HOOK1: variants seen among roughly 807,000 people sequenced by gnomAD.
HOOK1 encodes hook microtubule tethering protein 1, also known as protein Hook homolog 1.
Under a neutral mutation model 112.8 loss-of-function variants are expected in HOOK1, and 60 were observed. The observed-to-expected ratio is 0.53, with a 90% confidence interval of 0.43 to 0.66. HOOK1 has a LOEUF of 0.66. HOOK1 is among the 30% of genes least tolerant of loss of function. The pLI, the probability that HOOK1 is intolerant of heterozygous loss-of-function variation, is 0.00. For synonymous variants in HOOK1, 294 were observed against 283.8 expected (o/e 1.04, Z -0.36); for missense variants, 770 against 856.0 (o/e 0.90, Z 1.25).
chr1:59,815,703 C>G (rs913628414), intron 1 of HOOK1, among the ~76,000 whole-genome samples: 1 of 151,962 alleles, frequency 6.6e-6, no homozygotes, highest in African/African-American at 2.4e-5. Context: ...CTTCAGGACT[C>G]TAGAACATCC....
intron 12 of HOOK1, among the ~76,000 whole-genome samples, chr1:59,852,194 T>G (rs112761211): frequency 3.3e-5 from 5 of 151,860 alleles, no homozygotes; most frequent in African/African-American, 1.2e-4. Flanking sequence ...TTTCCCTGCT[T>G]TTTTACGTTT....
chr1:59,865,270 CA>C (rs1643942113), intron 18 of HOOK1, 25 bp downstream of exon 18: 2 of 1,394,630 alleles, frequency 1.4e-6, no homozygotes, highest in Non-Finnish European at 2.0e-6. Flanking sequence ...AAACTTGGAT[CA>C]GACAACAGTA....
chr1:59,851,973 GA>G (rs2098407380), intron 12 of HOOK1, among the ~76,000 whole-genome samples: 1 of 151,426 alleles, frequency 6.6e-6, no homozygotes, highest in East Asian at 1.9e-4. Flanking sequence ...GTATTACATT[GA>G]TTTTTTTCAT....
At chr1:59,855,982 ATATTTTTTTT>A (rs2098410499) in intron 12 of HOOK1, among the ~76,000 whole-genome samples, 3 of 65,002 alleles carry the variant, frequency 4.6e-5, no homozygotes, top group African/African-American at 2.1e-4. Context: ...ATATATATAT[ATATTTTTTTT>A]TTTTTTTTTT....
rs543542597 is a variant in HOOK1, at chr1:59,835,273, TATTA to T, written c.407-68_407-65del. The T allele has an allele frequency of 8.8e-5, 72 of 814,524 alleles. No homozygotes were observed. The African/African-American group carries it at 1.1e-3, about 13-fold the overall frequency. 50.5% of individuals were successfully genotyped at this position (814,524 alleles called of 1,614,324 possible). A position where few individuals can be genotyped will look rare whatever the true frequency, so the allele number is the denominator to read the frequency against. On this transcript the variant is annotated intron_variant, in intron 5 of 21. Transcript: ENST00000371208. ...TGTGGGTAGATGAATTTTTATAGTC[TATTA>T]ATTTGATGGCTAAGGTACTATGTGT...
intron 7 of HOOK1, among the ~76,000 whole-genome samples, chr1:59,838,177 T>A (rs1466569079): frequency 6.6e-6 from 1 of 152,158 alleles, no homozygotes; most frequent in Non-Finnish European, 1.5e-5. Context: ...GTCTTTGTAG[T>A]AGAATGATTT....
chr1:59,850,183 C>T (rs566900391), intron 12 of HOOK1, among the ~76,000 whole-genome samples: 1 of 151,548 alleles, frequency 6.6e-6, no homozygotes, highest in South Asian at 2.1e-4. Context: ...AAAAATGTCT[C>T]TTCAAATCCT....
At chr1:59,849,425 T>G (rs1279462807) in intron 12 of HOOK1, among the ~76,000 whole-genome samples, 1 of 151,662 alleles carries the variant, frequency 6.6e-6, no homozygotes, top group Non-Finnish European at 1.5e-5. Context: ...TTTCTAATTC[T>G]AGACTGTCAG....
intron 2 of HOOK1, 76 bp downstream of exon 2, chr1:59,822,019 T>C: frequency 8.5e-7 from 1 of 1,171,958 alleles, no homozygotes; most frequent in Non-Finnish European, 1.3e-6. Context: ...TGGACTTGAA[T>C]TCCAAAGGTT....
intron 9 of HOOK1, among the ~76,000 whole-genome samples, chr1:59,845,529 T>C (rs967823761): frequency 2.6e-5 from 4 of 151,888 alleles, no homozygotes; most frequent in African/African-American, 9.7e-5. Context: ...TTCTGTCAGA[T>C]TGAGGAAATT....
intron 7 of HOOK1, among the ~76,000 whole-genome samples, chr1:59,837,771 A>G (rs753920523): frequency 1.3e-5 from 2 of 152,072 alleles, no homozygotes; most frequent in African/African-American, 2.4e-5. Flanking sequence ...AGGTATACAC[A>G]TGGCATGATG....
chr1:59,860,697 G>T (rs112768277), intron 15 of HOOK1, among the ~76,000 whole-genome samples: 5 of 151,932 alleles, frequency 3.3e-5, no homozygotes, highest in African/African-American at 1.2e-4. Flanking sequence ...TGATTCTCAT[G>T]CCTCGGCCTC....
intron 12 of HOOK1, among the ~76,000 whole-genome samples, chr1:59,850,372 A>T (rs2098406502): frequency 6.6e-6 from 1 of 151,110 alleles, no homozygotes; most frequent in Middle Eastern, 3.2e-3. Context: ...TTACATTTTG[A>T]TGAGATCAGA....
Position 59,855,948 on chromosome 1 carries a change from ATATATATATATAAATTAT to A in HOOK1, c.1243-2467_1243-2450del, listed in dbSNP as rs1252401865. On this transcript the variant is annotated intron_variant, in intron 12 of 21. Coordinates refer to ENST00000371208, the MANE Select transcript of HOOK1 (RefSeq NM_015888.6). ...TCCACCATACCCAGCTAATTTATAT[ATATATATATATAAATTAT>A]TATATATATATATATATATTTTTTT... Among the ~76,000 whole-genome samples, 90 of 98,478 alleles carry A rather than the reference ATATATATATATAAATTAT, an allele frequency of 9.1e-4. 1 individual carries two copies. Among genetic ancestry groups the A allele is most frequent in the African/African-American group, 4.0e-3 (85 of 21,318 alleles). The allele number at this position is 98,478 out of a possible 152,430, so 64.6% of individuals were successfully genotyped here.
chr1:59,854,029 TATATATA>T (rs2098408968), intron 12 of HOOK1, among the ~76,000 whole-genome samples: 7 of 30,056 alleles, frequency 2.3e-4, no homozygotes, highest in African/African-American at 4.6e-4. Context: ...TATATATATA[TATATATA>T]TATTTTTTTT....
Position 59,848,502 on chromosome 1 carries a change from A to G in HOOK1, c.1117A>G (p.Thr373Ala). 6.2e-7 allele frequency: 1 copy of G among 1,607,076 alleles called. No individual in the cohort carries two copies. Among genetic ancestry groups the G allele is most frequent in the Non-Finnish European group, 8.5e-7 (1 of 1,175,328 alleles). ...KANAARTQLE[T>A]YKRQVQDLHV... ...AAATGCAGCACGTACACAATTAGAA[A>G]CATACAAAAGGCAGGTAAGAAACAT... The change falls in exon 11 of 22, where the codon ACA becomes GCA. Residue 373 changes from threonine to alanine, a missense_variant. Thr to Ala is a moderately conservative substitution (Grantham distance 58). Coordinates refer to ENST00000371208, the MANE Select transcript of HOOK1 (RefSeq NM_015888.6).
intron 20 of HOOK1, among the ~76,000 whole-genome samples, chr1:59,868,902 A>T (rs1402143450): frequency 6.6e-6 from 1 of 152,152 alleles, no homozygotes; most frequent in African/African-American, 2.4e-5. Context: ...CTCATCAATT[A>T]GCTGAGTCTT....
intron 12 of HOOK1, among the ~76,000 whole-genome samples, chr1:59,854,488 T>C (rs1371193910): frequency 2.0e-5 from 3 of 152,164 alleles, no homozygotes; most frequent in Non-Finnish European, 4.4e-5. Flanking sequence ...CTGCTAATGA[T>C]ACATTCTCTG....
Position 59,819,809 on chromosome 1 carries a change from T to C in HOOK1, c.64-2049T>C, listed in dbSNP as rs2098384267. ...GGGCTGAAAAGTGGAAGTCACAGTTTATTTTCCTTTTAAAGATGCCCTAAT... is the reference window on the plus strand; with the variant it reads ...GGGCTGAAAAGTGGAAGTCACAGTTCATTTTCCTTTTAAAGATGCCCTAAT... On this transcript the variant is annotated intron_variant, in intron 1 of 21. Transcript: ENST00000371208. Among the ~76,000 whole-genome samples the C allele has an allele frequency of 2.6e-5, 4 of 152,356 alleles. No individual in the cohort carries two copies. In the South Asian group the frequency reaches 8.3e-4, roughly 32 times the overall value.
Sources: allele counts gnomAD v4.1 joint callset (sites outside exome capture counted in the v4.1 genomes callset), GRCh38; gene constraint gnomAD v4.1.1; transcripts MANE v1.5; gene names NCBI Gene and HGNC (gene_info 2026-07-23, HGNC 2026-07-21).